Variants in NAV3 observed in about 807,000 individuals in gnomAD.
NAV3 encodes pore membrane and/or filament interacting like protein 1.
Under a neutral mutation model 244.7 loss-of-function variants are expected in NAV3, and 87 were observed. The ratio of observed to expected loss-of-function variants is 0.36; its 90% CI spans 0.30 to 0.42. NAV3 has a LOEUF of 0.42. Ranked by LOEUF, NAV3 falls within the 20% of genes least tolerant of loss-of-function variation. The probability of loss-of-function intolerance (pLI) is 1.00; values close to 1 mark genes in which losing one functional copy is unlikely to be tolerated. For missense variants in NAV3, 2,663 were observed against 2,893.3 expected (o/e 0.92, Z 1.83); for synonymous variants, 1,126 against 1,042.2 (o/e 1.08, Z -1.55).
intron 37 of NAV3, 52 bp downstream of exon 37, chr12:78,199,583 T>C: frequency 7.6e-7 from 1 of 1,318,946 alleles, no homozygotes; most frequent in South Asian, 1.6e-5. Context: ...CAGTGCTTGG[T>C]AAAGACGGCC....
intron 3 of NAV3, among the ~76,000 whole-genome samples, chr12:77,950,181 A>G (rs1048578319): frequency 2.0e-5 from 3 of 152,116 alleles, no homozygotes; most frequent in African/African-American, 7.2e-5. Context: ...AAATACTAAT[A>G]AGTGTGATTG....
intron 2 of NAV3, among the ~76,000 whole-genome samples, chr12:77,573,612 A>C (rs541763779): frequency 2.0e-4 from 31 of 152,246 alleles, no homozygotes; most frequent in African/African-American, 7.5e-4. Flanking sequence ...TGTCACAGTA[A>C]ATTTCAATCT....
chr12:77,619,881 TCA>T (rs140525524), intron 2 of NAV3, among the ~76,000 whole-genome samples: 24 of 149,146 alleles, frequency 1.6e-4, no homozygotes, highest in East Asian at 3.9e-4. Flanking sequence ...TCTCTCTCTC[TCA>T]CACACACACA....
At chr12:78,023,637 G>A (rs775209884) in intron 9 of NAV3, among the ~76,000 whole-genome samples, 137 of 152,080 alleles carry the variant, frequency 9.0e-4, no homozygotes, top group Non-Finnish European at 1.7e-3. Flanking sequence ...AATGTCTCTC[G>A]TTGCTTGAGA....
At chr12:78,043,755 T>C (rs1881282433) in intron 9 of NAV3, among the ~76,000 whole-genome samples, 1 of 152,254 alleles carries the variant, frequency 6.6e-6, no homozygotes, top group South Asian at 2.1e-4. Flanking sequence ...TCTGTTCATA[T>C]ACTTCACCCA....
intron 5 of NAV3, among the ~76,000 whole-genome samples, chr12:77,977,859 T>A (rs61936164): frequency 0.04 from 6,090 of 152,164 alleles, 165 homozygotes; most frequent in Non-Finnish European, 0.06. Flanking sequence ...AGTAGATAAT[T>A]TGAATTAGGG....
chr12:78,144,759 G>A (rs1288266144), intron 20 of NAV3, among the ~76,000 whole-genome samples: 2 of 150,912 alleles, frequency 1.3e-5, no homozygotes, highest in African/African-American at 2.4e-5. Context: ...ATTGATTCTT[G>A]AATCTTTACC....
intron 2 of NAV3, among the ~76,000 whole-genome samples, chr12:77,741,509 C>G (rs1340681425): frequency 6.6e-6 from 1 of 152,096 alleles, no homozygotes; most frequent in African/African-American, 2.4e-5. Context: ...GTTCATTTAA[C>G]TAGTTTTTAG....
intron 2 of NAV3, chr12:77,775,715 A>G (rs1327413401): frequency 6.6e-6 from 1 of 152,240 alleles, no homozygotes; most frequent in African/African-American, 2.4e-5. Flanking sequence ...TCTCACAATG[A>G]CGTTGCACAT....
chr12:78,040,410 G>T (rs918331303), intron 9 of NAV3, among the ~76,000 whole-genome samples: 1 of 152,070 alleles, frequency 6.6e-6, no homozygotes, highest in Admixed American at 6.6e-5. Flanking sequence ...GATAAACAAT[G>T]AATTCAGTTA....
At chr12:77,858,219 T>C (rs1016743758) in intron 1 of NAV3, among the ~76,000 whole-genome samples, 3 of 152,034 alleles carry the variant, frequency 2.0e-5, no homozygotes, top group African/African-American at 7.2e-5. Flanking sequence ...GTACAATATT[T>C]AAAACTCTGG....
intron 9 of NAV3, among the ~76,000 whole-genome samples, chr12:78,025,620 A>AG (rs1446570991): frequency 1.8e-4 from 26 of 148,228 alleles, no homozygotes; most frequent in African/African-American, 5.7e-4. Flanking sequence ...AAAAAAAAAA[A>AG]AAAGAAATTT....
intron 1 of NAV3, among the ~76,000 whole-genome samples, chr12:77,921,372 G>A (rs1593004797): frequency 6.6e-6 from 1 of 152,064 alleles, no homozygotes; most frequent in East Asian, 1.9e-4. Flanking sequence ...ATTATTCATA[G>A]AAATGTTCAA....
rs573474290 is a variant in NAV3 at position 77,704,593 on chromosome 12, G to T, written c.72+132327G>T. ...TTCTGGTGAAAATGTTCCTATTAATGAGTCTTCAGATTTTCCATAGTCCTT... is the reference window on the plus strand; with the variant it reads ...TTCTGGTGAAAATGTTCCTATTAATTAGTCTTCAGATTTTCCATAGTCCTT... On this transcript the variant is annotated intron_variant, in intron 2 of 8. Coordinates refer to the NAV3 transcript ENST00000550042. Among the ~76,000 whole-genome samples, 7 of 152,094 alleles carry T rather than the reference G, an allele frequency of 4.6e-5. 1 individual carries two copies. Among genetic ancestry groups the T allele is most frequent in the Admixed American group, 4.6e-4 (7 of 15,274 alleles).
At chr12:78,105,165 A>G (rs1954739852) in intron 12 of NAV3, among the ~76,000 whole-genome samples, 1 of 152,276 alleles carries the variant, frequency 6.6e-6, no homozygotes, top group African/African-American at 2.4e-5. Context: ...ATTAATGATA[A>G]TACATAAAAT....
intron 2 of NAV3, among the ~76,000 whole-genome samples, chr12:77,740,633 G>A (rs956012933): frequency 2.6e-5 from 4 of 152,262 alleles, no homozygotes; most frequent in Non-Finnish European, 5.9e-5. Flanking sequence ...TCATGGTACT[G>A]TAATGATAAA....
intron 1 of NAV3, among the ~76,000 whole-genome samples, chr12:77,835,608 T>C (rs2136116968): frequency 6.6e-6 from 1 of 152,306 alleles, no homozygotes; most frequent in South Asian, 2.1e-4. Context: ...AAGTTGAGAA[T>C]TTTACTTCAG....
intron 2 of NAV3, among the ~76,000 whole-genome samples, chr12:77,813,194 C>T (rs565508468): frequency 6.6e-6 from 1 of 152,304 alleles, no homozygotes; most frequent in African/African-American, 2.4e-5. Context: ...AGTTTACATA[C>T]AAGCAAGGAA....
rs1593972135 is a variant in NAV3, at chr12:78,188,488, T to C, written c.5887-121T>C. 1.1e-5 allele frequency: 13 copies of C among 1,175,960 alleles called. No individual in the cohort carries two copies. The East Asian group carries it at 2.9e-4, about 26-fold the overall frequency. The allele number at this position is 1,175,960 out of a possible 1,614,324, so 72.8% of individuals were successfully genotyped here. ...TGTTTGTGCTATTTGATATTAACAG[T>C]TCTTATATTACCCATTTCTAATATT... On this transcript the variant is annotated intron_variant, in intron 32 of 39. Transcript: ENST00000397909.
Sources: allele counts gnomAD v4.1 joint callset (sites outside exome capture counted in the v4.1 genomes callset), GRCh38; gene constraint gnomAD v4.1.1; transcripts MANE v1.5; gene names NCBI Gene and HGNC (gene_info 2026-07-23, HGNC 2026-07-21).